EYS: variants seen among roughly 807,000 people sequenced by gnomAD.
The protein encoded by EYS is EGF-like photoreceptor maintenance factor.
EYS carries 250 observed loss-of-function variants against 282.1 expected under a neutral mutation model. The observed-to-expected ratio is 0.89, with a 90% CI of 0.80 to 0.98. The LOEUF (loss-of-function observed/expected upper bound fraction) is 0.98. EYS is among the 50% of genes least tolerant of loss of function. EYS has a pLI of 0.00. For missense variants in EYS, 4,016 were observed against 3,709.0 expected (o/e 1.08, Z -2.15); for synonymous variants, 1,355 against 1,282.9 (o/e 1.06, Z -1.20).
intron 28 of EYS, among the ~76,000 whole-genome samples, chr6:64,425,674 A>G (rs1449572242): frequency 6.6e-6 from 1 of 151,590 alleles, no homozygotes; most frequent in Non-Finnish European, 1.5e-5. Flanking sequence ...AAAAAAAAAA[A>G]AAAAAGGAAG....
At chr6:64,949,109 T>TG (rs1769394250) in intron 14 of EYS, among the ~76,000 whole-genome samples, 1 of 151,976 alleles carries the variant, frequency 6.6e-6, no homozygotes, top group Non-Finnish European at 1.5e-5. Flanking sequence ...ATATCTCTGA[T>TG]GCTTATTAAA....
In EYS at chr6:65,607,798, A is replaced by G. The variant is rs148608373; in HGVS notation, c.-333+31980T>C. On this transcript the variant is annotated intron_variant, in intron 2 of 42. Transcript: ENST00000503581. ...TTCTCCTTTCAGAATTGATATTCAC[A>G]GAAATAAAATGCCACTCTTATTGTT... Among the ~76,000 whole-genome samples the G allele has an allele frequency of 9.7e-3, 1,479 of 152,088 alleles. 8 individuals are homozygous for G. The highest frequency in any genetic ancestry group is 0.016 in the Non-Finnish European group (1,068 of 67,920).
chr6:63,806,032 T>C (rs572060677), intron 37 of EYS, among the ~76,000 whole-genome samples, 158 bp downstream of exon 37: 1 of 152,310 alleles, frequency 6.6e-6, no homozygotes, highest in East Asian at 1.9e-4. Context: ...TGCTAAGTAC[T>C]TTGGACTACA....
At chr6:64,940,960 A>G (rs866064030) in intron 15 of EYS, among the ~76,000 whole-genome samples, 1 of 152,102 alleles carries the variant, frequency 6.6e-6, no homozygotes, top group South Asian at 2.1e-4. Context: ...TTTGTAAAAT[A>G]ATCATCTGAG....
chr6:64,391,549 A>G (rs1390278301), intron 28 of EYS, among the ~76,000 whole-genome samples: 1 of 152,064 alleles, frequency 6.6e-6, no homozygotes, highest in Non-Finnish European at 1.5e-5. Context: ...AAGGAGAAAT[A>G]AAATACTTTA....
At chr6:64,243,085 A>T (rs912770295) in intron 30 of EYS, among the ~76,000 whole-genome samples, 2 of 148,488 alleles carry the variant, frequency 1.3e-5, no homozygotes, top group African/African-American at 4.9e-5. Flanking sequence ...ATATATTTAC[A>T]TATATGTAAT....
intron 2 of EYS, among the ~76,000 whole-genome samples, chr6:65,561,514 A>G (rs1381853782): frequency 6.6e-6 from 1 of 152,012 alleles, no homozygotes; most frequent in Non-Finnish European, 1.5e-5. Flanking sequence ...GTTCACTCCC[A>G]GGTGTATCAC....
At chr6:64,458,961 T>C (rs958024955) in intron 26 of EYS, among the ~76,000 whole-genome samples, 4 of 152,198 alleles carry the variant, frequency 2.6e-5, no homozygotes, top group African/African-American at 7.2e-5. Context: ...CTTTAAACAT[T>C]CTCATTTCTA....
chr6:64,014,076 A>T (rs1257191233), intron 33 of EYS, among the ~76,000 whole-genome samples: 1 of 152,102 alleles, frequency 6.6e-6, no homozygotes, highest in Non-Finnish European at 1.5e-5. Flanking sequence ...TAAAACATTG[A>T]TTTCTGATCC....
chr6:65,273,995 T>C (rs1336709745), intron 12 of EYS, among the ~76,000 whole-genome samples: 3 of 152,174 alleles, frequency 2.0e-5, no homozygotes, highest in Non-Finnish European at 4.4e-5. Flanking sequence ...CACTGGTGTC[T>C]ACCAGTTAGA....
intron 5 of EYS, among the ~76,000 whole-genome samples, chr6:65,449,406 C>A (rs10944804): frequency 0.19 from 28,208 of 152,022 alleles, 3,268 homozygotes; most frequent in Middle Eastern, 0.3. Context: ...GATTTTTCTG[C>A]AATTTTTATA....
At chr6:64,817,110 A>C (rs1764760636) in intron 21 of EYS, among the ~76,000 whole-genome samples, 1 of 152,088 alleles carries the variant, frequency 6.6e-6, no homozygotes, top group South Asian at 2.1e-4. Flanking sequence ...AAGGATATCG[A>C]TATTCTCTAA....
chr6:65,511,975 A>G (rs1380794691), intron 2 of EYS, among the ~76,000 whole-genome samples: 4 of 122,366 alleles, frequency 3.3e-5, no homozygotes, highest in Non-Finnish European at 6.8e-5. Flanking sequence ...ATGCAGCAAA[A>G]CTCTGTCTCA....
At chr6:65,233,890 C>G (rs1397471183) in intron 12 of EYS, among the ~76,000 whole-genome samples, 2 of 152,076 alleles carry the variant, frequency 1.3e-5, no homozygotes, top group African/African-American at 2.4e-5. Flanking sequence ...CATTTTCATG[C>G]CTTGACCTGC....
At chr6:64,999,510 C>T (rs1771389225) in intron 13 of EYS, among the ~76,000 whole-genome samples, 1 of 152,116 alleles carries the variant, frequency 6.6e-6, no homozygotes, top group African/African-American at 2.4e-5. Flanking sequence ...GGCTAGGGCT[C>T]CACCCCCATG....
intron 12 of EYS, among the ~76,000 whole-genome samples, chr6:65,275,496 T>G (rs1264014379): frequency 1.3e-5 from 2 of 152,188 alleles, no homozygotes; most frequent in Non-Finnish European, 2.9e-5. Context: ...TGGTTGCCAC[T>G]TCTGCCACAC....
rs891713487 is a variant in EYS at position 63,901,423 on chromosome 6, C to T, written c.7056-37065G>A. Among the ~76,000 whole-genome samples, 6 of 152,046 alleles carry T rather than the reference C, an allele frequency of 3.9e-5. 1 individual carries two copies. The highest frequency in any genetic ancestry group is 4.2e-4 in the South Asian group (2 of 4,808). On this transcript the variant is annotated intron_variant, in intron 35 of 42. Coordinates refer to ENST00000503581, the MANE Select transcript of EYS (RefSeq NM_001142800.2). ...CTATACAGACACATGTGTAATGCACCGAGGAGAGCAAATAAAGGCCCCTAG... is the reference window on the plus strand; with the variant it reads ...CTATACAGACACATGTGTAATGCACTGAGGAGAGCAAATAAAGGCCCCTAG...
chr6:65,523,459 T>C (rs1767445628), intron 2 of EYS, among the ~76,000 whole-genome samples: 1 of 152,146 alleles, frequency 6.6e-6, no homozygotes, highest in South Asian at 2.1e-4. Context: ...ATCTCACTTA[T>C]ATGTGGAATC....
chr6:64,551,142 ATATATG>A (rs1321073639), intron 26 of EYS, among the ~76,000 whole-genome samples: 8 of 150,238 alleles, frequency 5.3e-5, no homozygotes, highest in African/African-American at 1.9e-4. Context: ...ATATATACAC[ATATATG>A]TATATACATA....
Sources: allele counts gnomAD v4.1 joint callset (sites outside exome capture counted in the v4.1 genomes callset), GRCh38; gene constraint gnomAD v4.1.1; transcripts MANE v1.5; gene names NCBI Gene and HGNC (gene_info 2026-07-23, HGNC 2026-07-21).